The following CHL1 variants were observed in gnomAD, a reference collection of about 807,000 sequenced individuals.
CHL1 encodes cell adhesion molecule L1 like.
A neutral mutation model predicts 141.9 loss-of-function variants in CHL1; 96 were observed. The observed-to-expected ratio is 0.68, with a 90% CI of 0.57 to 0.80. The LOEUF (loss-of-function observed/expected upper bound fraction) is 0.80. CHL1 is among the 30% of genes least tolerant of loss of function. The probability of loss-of-function intolerance (pLI) is 0.00; values close to 1 mark genes in which losing one functional copy is unlikely to be tolerated. For synonymous variants in CHL1, 613 were observed against 502.2 expected (o/e 1.22, Z -2.95); for missense variants, 1,820 against 1,457.2 (o/e 1.25, Z -4.05).
In CHL1 at chr3:389,401, C is replaced by G. The variant is rs1384841390; in HGVS notation, c.2397C>G (p.Val799=). The change falls in exon 20 of 28, where the codon GTC becomes GTG. Residue 799 remains valine (V), a synonymous_variant. Coordinates refer to ENST00000256509, the MANE Select transcript of CHL1 (RefSeq NM_006614.4). ...CTGCTGTCTATGCCCCTTATGATGT[C>G]AAGGTCCAGGCTATCAATCAACTAG... is the stretch of plus-strand genomic sequence containing the variant. ...MTPAVYAPYD[V]KVQAINQLGS... The G allele has an allele frequency of 1.2e-6, 2 of 1,614,206 alleles. No homozygotes were observed. Among genetic ancestry groups the G allele is most frequent in the East Asian group, 4.5e-5 (2 of 44,890 alleles).
At chr3:267,102 C>G (rs535057011) in intron 2 of CHL1, among the ~76,000 whole-genome samples, 1 of 152,164 alleles carries the variant, frequency 6.6e-6, no homozygotes, top group Admixed American at 6.5e-5. Flanking sequence ...TCCTATTTCA[C>G]AGTAGTAGGG....
intron 16 of CHL1, 81 bp from the exon 17 acceptor site, chr3:382,098 G>A (rs370224013): frequency 9.9e-6 from 12 of 1,211,436 alleles, no homozygotes; most frequent in South Asian, 4.0e-5. Context: ...CTCTGTCTCC[G>A]GGTAGCTGGC....
chr3:251,036 A>G (rs1159537547), intron 2 of CHL1, among the ~76,000 whole-genome samples: 3 of 152,138 alleles, frequency 2.0e-5, no homozygotes, highest in Non-Finnish European at 4.4e-5. Flanking sequence ...TCAAGTTATA[A>G]TGCAAACAAA....
chr3:197,838 CCTT>C (rs1698502108), intron 1 of CHL1: 3 of 455,122 alleles, frequency 6.6e-6, no homozygotes, highest in Non-Finnish European at 1.3e-5. Flanking sequence ...GCGGATGGTC[CCTT>C]CTTCCTCTTT....
Position 225,784 on chromosome 3 carries a change from C to G in CHL1, c.-174-18829C>G, listed in dbSNP as rs955650423. ...CAGCACTTTGGGAGGCTGAGGTGGG[C>G]AGATCACGAGGTCAGGAGATTGAGG... On this transcript the variant is annotated intron_variant, in intron 1 of 27. Transcript: ENST00000256509. Among the ~76,000 whole-genome samples, 9 of 151,968 alleles carry G rather than the reference C, an allele frequency of 5.9e-5. 1 individual carries two copies. Among genetic ancestry groups the G allele is most frequent in the African/African-American group, 2.2e-4 (9 of 41,394 alleles).
chr3:345,143 T>C (rs1702656333), intron 9 of CHL1, among the ~76,000 whole-genome samples: 1 of 152,182 alleles, frequency 6.6e-6, no homozygotes, highest in Non-Finnish European at 1.5e-5. Flanking sequence ...TATGATATTG[T>C]GGATGGAGGG....
chr3:363,315 G>C lies in CHL1; in HGVS notation c.1517G>C (p.Gly506Ala). 1.2e-6 allele frequency: 2 copies of C among 1,613,568 alleles called. No individual in the cohort carries two copies. The highest frequency in any genetic ancestry group is 2.2e-5 in the South Asian group (2 of 91,032). The change falls in exon 14 of 28, where the codon GGG becomes GCG. Residue 506 changes from glycine to alanine, a missense_variant. Transcript: ENST00000256509. ...QINRTTEEDA[G>A]SYSCWVENAI... is the part of the protein sequence containing the mutation. ...AACAGAACCACCGAAGAAGATGCTG[G>C]GTCTTACTCATGTTGGGTAGAAAAT...
chr3:201,567 C>G (rs1166979817), intron 1 of CHL1, among the ~76,000 whole-genome samples: 3 of 151,946 alleles, frequency 2.0e-5, no homozygotes, highest in East Asian at 1.9e-4. Context: ...AGAATCACAA[C>G]TAGAGTTTGA....
At chr3:375,676 G>A (rs1706224246) in intron 15 of CHL1, among the ~76,000 whole-genome samples, 1 of 152,024 alleles carries the variant, frequency 6.6e-6, no homozygotes, top group African/African-American at 2.4e-5. Flanking sequence ...AACACTCTCT[G>A]AGCACATACT....
At chr3:401,245 T>G (rs1259081342) in intron 26 of CHL1, among the ~76,000 whole-genome samples, 1 of 152,190 alleles carries the variant, frequency 6.6e-6, no homozygotes, top group African/African-American at 2.4e-5. Context: ...GACACAGATC[T>G]AATAGGTGTC....
rs774745386 is a variant in CHL1, at chr3:390,730, G to C, written c.2500G>C (p.Val834Leu). The change falls in exon 21 of 28, where the codon GTG (valine) becomes CTG (leucine). Residue 834 changes from valine (V) to leucine (L), a missense_variant. Coordinates refer to ENST00000256509, the MANE Select transcript of CHL1 (RefSeq NM_006614.4). ...YPDTAPVIHG[V>L]DVINSTLVKV... The stretch of plus-strand genomic sequence containing the variant: ...TGATACAGCTCCAGTGATCCATGGG[G>C]TGGACGTTATAAACAGTACATTAGT... 1 of 1,606,146 alleles carries C rather than the reference G, an allele frequency of 6.2e-7. No homozygotes were observed. Among genetic ancestry groups the C allele is most frequent in the South Asian group, 1.1e-5 (1 of 90,940 alleles).
intron 14 of CHL1, among the ~76,000 whole-genome samples, chr3:365,666 A>G (rs1704781730): frequency 6.6e-6 from 1 of 152,232 alleles, no homozygotes; most frequent in African/African-American, 2.4e-5. Context: ...TTCAACTTCT[A>G]GAGACATTTG....
At chr3:402,192 C>T (rs923150729) in intron 27 of CHL1, among the ~76,000 whole-genome samples, 4 of 152,180 alleles carry the variant, frequency 2.6e-5, no homozygotes, top group Admixed American at 6.5e-5. Flanking sequence ...AAGAGAGTAA[C>T]TGTTTCTGCC....
intron 6 of CHL1, 53 bp downstream of exon 6, chr3:340,969 C>CAATAACAATG: frequency 6.5e-7 from 1 of 1,532,628 alleles, no homozygotes; most frequent in Non-Finnish European, 8.9e-7. Flanking sequence ...TTCTATCCAT[C>CAATAACAATG]ATATCAATAA....
intron 16 of CHL1, among the ~76,000 whole-genome samples, chr3:381,657 G>A (rs1163812189): frequency 6.6e-6 from 1 of 152,200 alleles, no homozygotes; most frequent in African/African-American, 2.4e-5. Flanking sequence ...GGTTAAGGAA[G>A]AGAAGCTTTG....
At chr3:280,978 A>G (rs1177501753) in intron 2 of CHL1, among the ~76,000 whole-genome samples, 4 of 152,070 alleles carry the variant, frequency 2.6e-5, no homozygotes, top group Non-Finnish European at 5.9e-5. Flanking sequence ...AATTAATGAT[A>G]TCACATTTTC....
chr3:389,831 C>T (rs999324403), intron 20 of CHL1, among the ~76,000 whole-genome samples: 2 of 152,142 alleles, frequency 1.3e-5, no homozygotes, highest in African/African-American at 4.8e-5. Context: ...TCAAGGATCC[C>T]CTAAGAGCCA....
At chr3:376,700 T>C (rs1295265388) in intron 15 of CHL1, among the ~76,000 whole-genome samples, 1 of 152,212 alleles carries the variant, frequency 6.6e-6, no homozygotes, top group Non-Finnish European at 1.5e-5. Context: ...AGAAGGTACA[T>C]TTTTCAAAAA....
chr3:397,454 A>T (rs750789785), intron 24 of CHL1, among the ~76,000 whole-genome samples: 18 of 152,134 alleles, frequency 1.2e-4, no homozygotes, highest in African/African-American at 4.1e-4. Context: ...AACATATTTT[A>T]TATCATTGTT....
Sources: allele counts gnomAD v4.1 joint callset (sites outside exome capture counted in the v4.1 genomes callset), GRCh38; gene constraint gnomAD v4.1.1; transcripts MANE v1.5; gene names NCBI Gene and HGNC (gene_info 2026-07-23, HGNC 2026-07-21).